The following MALRD1 variants were observed in gnomAD, a reference collection of about 807,000 sequenced individuals.
The protein encoded by MALRD1 is MAM and LDL receptor class A domain containing 1, also known as MAM and LDL-receptor class A domain-containing protein 1.
In MALRD1, 247 loss-of-function variants were observed where a neutral mutation model predicts 242.1. The ratio of observed to expected loss-of-function variants is 1.02; its 90% confidence interval spans 0.92 to 1.13. The LOEUF (loss-of-function observed/expected upper bound fraction) is 1.13. MALRD1 is among the 50% of genes most tolerant of loss of function. The pLI, the probability that MALRD1 is intolerant of heterozygous loss-of-function variation, is 0.00. For missense variants in MALRD1, 2,989 were observed against 2,533.1 expected (o/e 1.18, Z -3.86); for synonymous variants, 995 against 866.6 (o/e 1.15, Z -2.60).
chr10:19,130,679 G>A (rs1477975170), intron 8 of MALRD1, among the ~76,000 whole-genome samples: 2 of 152,010 alleles, frequency 1.3e-5, no homozygotes, highest in African/African-American at 4.8e-5. Context: ...TATGTATTGT[G>A]TATGTAATTA....
Position 19,110,587 on chromosome 10 carries a change from G to T in MALRD1, c.694+6512G>T, listed in dbSNP as rs370715235. On this transcript the variant is annotated intron_variant, in intron 5 of 39. Coordinates refer to ENST00000454679, the MANE Select transcript of MALRD1 (RefSeq NM_001142308.3). ...TCAAAAGGGATGCAATTTATCAATAGAGAATATATGGCTAACTGAAGGCAA... is the reference window on the plus strand; with the variant it reads ...TCAAAAGGGATGCAATTTATCAATATAGAATATATGGCTAACTGAAGGCAA... Among the ~76,000 whole-genome samples the T allele has an allele frequency of 2.6e-5, 4 of 152,250 alleles. No homozygotes were observed. In the South Asian group the frequency reaches 8.3e-4, roughly 32 times the overall value.
In MALRD1 at chr10:19,567,644, A is replaced by G; in HGVS notation, c.5621A>G (p.Asn1874Ser). ...KVAFEADLDG[N>S]EDIFIALDDI... ...GCATTTGAAGCTGATTTGGATGGAA[A>G]TGAGGACATCTTTATTGCTCTTGAT... Residue 1874 changes from asparagine (N) to serine (S), a missense_variant, in exon 33 of 40, where the codon AAT becomes AGT. Coordinates refer to ENST00000454679, the MANE Select transcript of MALRD1 (RefSeq NM_001142308.3). 2 of 1,550,752 alleles carry G rather than the reference A, an allele frequency of 1.3e-6. No individual in the cohort carries two copies. The highest frequency in any genetic ancestry group is 1.4e-5 in the African/African-American group (1 of 73,164).
At chr10:19,304,208 CT>C (rs1842070624) in intron 21 of MALRD1, among the ~76,000 whole-genome samples, 4 of 151,668 alleles carry the variant, frequency 2.6e-5, no homozygotes, top group Admixed American at 2.6e-4. Context: ...ATTCCCTGGC[CT>C]GTGGACTTGG....
chr10:19,560,209 C>G (rs1835901839), intron 32 of MALRD1, among the ~76,000 whole-genome samples: 1 of 152,152 alleles, frequency 6.6e-6, no homozygotes, highest in Non-Finnish European at 1.5e-5. Context: ...TGGCTCACGC[C>G]TATAATCCCA....
chr10:19,128,169 A>G (rs1461755359), intron 7 of MALRD1, 52 bp from the exon 8 acceptor site: 1 of 1,182,444 alleles, frequency 8.5e-7, no homozygotes, highest in African/African-American at 1.6e-5. Flanking sequence ...TTAGTCAGAC[A>G]GAAAGAAGCT....
chr10:19,135,922 C>T (rs778989788), intron 9 of MALRD1, among the ~76,000 whole-genome samples: 1 of 152,168 alleles, frequency 6.6e-6, no homozygotes, highest in Non-Finnish European at 1.5e-5. Flanking sequence ...TGCTTATCTC[C>T]AGAAAAGCTA....
intron 29 of MALRD1, among the ~76,000 whole-genome samples, chr10:19,476,778 A>T (rs958941944): frequency 6.6e-6 from 1 of 152,162 alleles, no homozygotes; most frequent in African/African-American, 2.4e-5. Flanking sequence ...CACTCTAATT[A>T]TGTTTTTTAT....
At chr10:19,642,422 T>C (rs1026030715) in intron 36 of MALRD1, among the ~76,000 whole-genome samples, 1 of 152,176 alleles carries the variant, frequency 6.6e-6, no homozygotes, top group Non-Finnish European at 1.5e-5. Flanking sequence ...ATTTCTTTAC[T>C]TGAAACTCAG....
Position 19,139,605 on chromosome 10 carries a change from A to G in MALRD1, c.1411+2824A>G, listed in dbSNP as rs375565580. 2.6e-5 allele frequency among the ~76,000 whole-genome samples: 4 copies of G among 152,266 alleles called. No individual in the cohort carries two copies. In the South Asian group the frequency reaches 6.2e-4, roughly 24 times the overall value. ...TGTGCTTTTCCCCAAAGGCAGACTC[A>G]CTCAGGTCTTCTGTCATTGTCAAGT... On this transcript the variant is annotated intron_variant, in intron 10 of 39. Coordinates refer to ENST00000454679, the MANE Select transcript of MALRD1 (RefSeq NM_001142308.3).
chr10:19,053,804 A>G (rs1429200987), intron 1 of MALRD1, among the ~76,000 whole-genome samples: 3 of 152,138 alleles, frequency 2.0e-5, no homozygotes, highest in Non-Finnish European at 4.4e-5. Context: ...ATAATAAAAA[A>G]AAACCTGTGC....
At chr10:19,697,440 T>C (rs1833430679) in intron 38 of MALRD1, among the ~76,000 whole-genome samples, 1 of 149,978 alleles carries the variant, frequency 6.7e-6, no homozygotes, top group Non-Finnish European at 1.5e-5. Context: ...AGTCAACTGA[T>C]TATAAAGGTT....
intron 5 of MALRD1, among the ~76,000 whole-genome samples, chr10:19,107,592 C>T (rs1460618628): frequency 2.0e-5 from 3 of 149,320 alleles, no homozygotes; most frequent in African/African-American, 7.4e-5. Context: ...TCTACTCATC[C>T]ACTCTATATA....
intron 14 of MALRD1, among the ~76,000 whole-genome samples, chr10:19,200,619 T>A (rs76156132): frequency 6.7e-6 from 1 of 149,158 alleles, no homozygotes. Context: ...GATTCTGGGC[T>A]TTTTTTTTCT....
At chr10:19,357,121 T>TA (rs1195920119) in intron 26 of MALRD1, among the ~76,000 whole-genome samples, 1 of 137,124 alleles carries the variant, frequency 7.3e-6, no homozygotes, top group African/African-American at 2.8e-5. Flanking sequence ...AAAAAAAAAA[T>TA]AAAAAACAAA....
intron 28 of MALRD1, among the ~76,000 whole-genome samples, chr10:19,398,407 G>A (rs1406168343): frequency 6.6e-6 from 1 of 152,066 alleles, no homozygotes; most frequent in African/African-American, 2.4e-5. Context: ...TGTTAAACAA[G>A]AAGACTTATG....
At chr10:19,107,311 T>A (rs1374363801) in intron 5 of MALRD1, among the ~76,000 whole-genome samples, 2 of 151,966 alleles carry the variant, frequency 1.3e-5, no homozygotes, top group Non-Finnish European at 2.9e-5. Flanking sequence ...GGAGGTCTAG[T>A]TTTGGGTGAA....
intron 15 of MALRD1, 21 bp from the exon 16 acceptor site, chr10:19,204,281 GTTTTTT>G: frequency 9.6e-7 from 1 of 1,042,338 alleles, no homozygotes; most frequent in Admixed American, 2.9e-5. Context: ...TTAATGAAGC[GTTTTTT>G]TTTTTTTTTT....
chr10:19,397,758 C>T (rs903634822), intron 28 of MALRD1, among the ~76,000 whole-genome samples: 1 of 151,992 alleles, frequency 6.6e-6, no homozygotes. Context: ...ACTATTTTTG[C>T]TTTTGTTGTC....
rs117996440 is a variant in MALRD1 at position 19,614,118 on chromosome 10, A to G, written c.6071-1739A>G. Among the ~76,000 whole-genome samples, 396 of 152,094 alleles carry G rather than the reference A, an allele frequency of 2.6e-3. 7 individuals are homozygous for G. In the East Asian group the frequency reaches 0.059, roughly 23 times the overall value. ...AGTCAACATTTATTAAACTCATACT[A>G]TGAACTGGTTGTTCTTCTAACAGTC... On this transcript the variant is annotated intron_variant, in intron 35 of 39. Coordinates refer to ENST00000454679, the MANE Select transcript of MALRD1 (RefSeq NM_001142308.3).
Sources: allele counts gnomAD v4.1 joint callset (sites outside exome capture counted in the v4.1 genomes callset), GRCh38; gene constraint gnomAD v4.1.1; transcripts MANE v1.5; gene names NCBI Gene and HGNC (gene_info 2026-07-23, HGNC 2026-07-21).